ARSB: variants seen among roughly 807,000 people sequenced by gnomAD.
ARSB encodes the protein N-acetylgalactosamine-4-sulfatase.
ARSB carries 41 observed loss-of-function variants against 50.9 expected under a neutral mutation model. The observed-to-expected ratio is 0.81, with a 90% confidence interval of 0.63 to 1.04. ARSB has a LOEUF of 1.04. Ranked by LOEUF, ARSB falls within the 50% of genes least tolerant of loss-of-function variation. The pLI, the probability that ARSB is intolerant of heterozygous loss-of-function variation, is 0.00. For synonymous variants in ARSB, 269 were observed against 284.8 expected (o/e 0.94, Z 0.56); for missense variants, 672 against 693.3 (o/e 0.97, Z 0.35).
At chr5:78,859,258 C>G (rs755067876) in intron 5 of ARSB, among the ~76,000 whole-genome samples, 1 of 152,038 alleles carries the variant, frequency 6.6e-6, no homozygotes, top group Non-Finnish European at 1.5e-5. Context: ...GTTGAATTCA[C>G]TGGGTCTAGA....
chr5:78,957,520 C>G (rs337826), intron 3 of ARSB, among the ~76,000 whole-genome samples: 123,240 of 152,178 alleles, frequency 0.81, 50,124 homozygotes, highest in African/African-American at 0.84. Context: ...AAACTAAGGA[C>G]GCAGCTGATG....
At chr5:78,927,517 T>TACA (rs1455860772) in intron 4 of ARSB, among the ~76,000 whole-genome samples, 1 of 152,178 alleles carries the variant, frequency 6.6e-6, no homozygotes, top group Non-Finnish European at 1.5e-5. Flanking sequence ...AAAAACACTA[T>TACA]CTATAACACT....
At chr5:78,938,559 G>A (rs1196356561) in intron 4 of ARSB, among the ~76,000 whole-genome samples, 3 of 152,206 alleles carry the variant, frequency 2.0e-5, no homozygotes, top group African/African-American at 7.2e-5. Context: ...TCATTTAAGT[G>A]TCTGAAGAAC....
At chr5:78,937,866 C>T (rs942899549) in intron 4 of ARSB, among the ~76,000 whole-genome samples, 1 of 152,100 alleles carries the variant, frequency 6.6e-6, no homozygotes, top group Admixed American at 6.5e-5. Flanking sequence ...AAGATTATCA[C>T]CAGCAACATC....
chr5:78,870,461 C>A (rs1422775640), intron 5 of ARSB, among the ~76,000 whole-genome samples: 1 of 140,318 alleles, frequency 7.1e-6, no homozygotes, highest in Non-Finnish European at 1.6e-5. Flanking sequence ...AAAAGCTTAT[C>A]CACCATGATC....
intron 3 of ARSB, among the ~76,000 whole-genome samples, chr5:78,960,267 A>G (rs975297368): frequency 5.3e-5 from 8 of 152,226 alleles, no homozygotes; most frequent in African/African-American, 2.4e-5. Context: ...TTCCTAAGAT[A>G]TATACTGTAA....
At chr5:78,853,490 T>A (rs566356704) in intron 5 of ARSB, among the ~76,000 whole-genome samples, 2 of 152,140 alleles carry the variant, frequency 1.3e-5, no homozygotes, top group African/African-American at 4.8e-5. Flanking sequence ...CCCGGTTAGG[T>A]TGCTCGGGGT....
rs1473081409 is a variant in ARSB, at chr5:78,778,949, T to C, written c.*1448A>G. 1 of 152,120 alleles carries C rather than the reference T, an allele frequency of 6.6e-6. No individual in the cohort carries two copies. Among genetic ancestry groups the C allele is most frequent in the Non-Finnish European group, 1.5e-5 (1 of 68,026 alleles). 9.4% of individuals were successfully genotyped at this position (152,120 alleles called of 1,614,324 possible). A position where few individuals can be genotyped will look rare whatever the true frequency, so the allele number is the denominator to read the frequency against. ...GGGAGAATCACTTGAGCCCAGGAGT[T>C]TGAGGCTACGGTGAGTTGTGATTGT... is the stretch of plus-strand genomic sequence containing the variant. On this transcript the variant is annotated 3_prime_UTR_variant, in exon 8 of 8. Transcript: ENST00000264914.
intron 4 of ARSB, among the ~76,000 whole-genome samples, chr5:78,926,531 C>T (rs1750062176): frequency 6.6e-6 from 1 of 152,122 alleles, no homozygotes; most frequent in African/African-American, 2.4e-5. Context: ...AGGCAATACC[C>T]TTATTTCAAA....
In ARSB at chr5:78,782,006, A is replaced by G. The variant is rs7721866; in HGVS notation, c.1214-32T>C. 0.013 allele frequency: 21,587 copies of G among 1,613,670 alleles called. 2,166 individuals are homozygous for G. In the African/African-American group the frequency reaches 0.24, roughly 18 times the overall value. ...AGAAATAGTTTGAAAGAATTAGATCACTGTTATTGGAACGTGTTGTTATAA... is the reference window on the plus strand; with the variant it reads ...AGAAATAGTTTGAAAGAATTAGATCGCTGTTATTGGAACGTGTTGTTATAA... On this transcript the variant is annotated intron_variant, in intron 6 of 7. Coordinates refer to ENST00000264914, the MANE Select transcript of ARSB (RefSeq NM_000046.5).
At chr5:78,868,022 C>A (rs1746891498) in intron 5 of ARSB, among the ~76,000 whole-genome samples, 1 of 131,932 alleles carries the variant, frequency 7.6e-6, no homozygotes, top group Admixed American at 8.1e-5. Flanking sequence ...AATGCAGAAG[C>A]CTCAGGAGCC....
intron 4 of ARSB, among the ~76,000 whole-genome samples, chr5:78,892,814 G>A (rs929325392): frequency 3.9e-5 from 6 of 152,216 alleles, no homozygotes; most frequent in African/African-American, 1.4e-4. Flanking sequence ...ATTCAGGGCA[G>A]ATAAGTGCTC....
intron 6 of ARSB, among the ~76,000 whole-genome samples, chr5:78,792,326 C>G (rs1304540292): frequency 6.6e-6 from 1 of 151,514 alleles, no homozygotes; most frequent in Non-Finnish European, 1.5e-5. Context: ...TTGCAGCGAG[C>G]CGAGATCGCA....
chr5:78,938,321 C>T (rs1448924976), intron 4 of ARSB, among the ~76,000 whole-genome samples: 1 of 152,150 alleles, frequency 6.6e-6, no homozygotes, highest in African/African-American at 2.4e-5. Context: ...TTAAAGTGAT[C>T]CAACATGCTC....
Position 78,940,904 on chromosome 5 carries a change from T to A in ARSB, c.898+14391A>T, listed in dbSNP as rs1211469335. On this transcript the variant is annotated intron_variant, in intron 4 of 7. Coordinates refer to ENST00000264914, the MANE Select transcript of ARSB (RefSeq NM_000046.5). The stretch of plus-strand genomic sequence containing the variant: ...TGGCCATTTTCACAATATTGATTCT[T>A]CCTACCCATGAGCATGGAATGTTCT... Among the ~76,000 whole-genome samples the A allele has an allele frequency of 3.2e-3, 487 of 152,352 alleles. 1 individual carries two copies. Among genetic ancestry groups the A allele is most frequent in the African/African-American group, 0.011 (461 of 41,582 alleles).
intron 6 of ARSB, among the ~76,000 whole-genome samples, chr5:78,812,592 A>AAC (rs66597603): frequency 0.027 from 3,936 of 144,286 alleles, 106 homozygotes; most frequent in African/African-American, 0.074. Flanking sequence ...ATTCTGTTCA[A>AAC]ACACACACAC....
intron 5 of ARSB, among the ~76,000 whole-genome samples, chr5:78,860,311 A>G (rs948841591): frequency 1.3e-5 from 2 of 152,118 alleles, no homozygotes; most frequent in Non-Finnish European, 2.9e-5. Flanking sequence ...GTGCTCCTGT[A>G]TTGGGTGCAT....
At chr5:78,870,218 C>T (rs530049199) in intron 5 of ARSB, among the ~76,000 whole-genome samples, 4 of 145,278 alleles carry the variant, frequency 2.8e-5, no homozygotes, top group South Asian at 2.3e-4. Flanking sequence ...GATTCACAGC[C>T]GAATTCTACC....
intron 4 of ARSB, among the ~76,000 whole-genome samples, chr5:78,895,966 C>G (rs1227135348): frequency 6.6e-6 from 1 of 152,094 alleles, no homozygotes; most frequent in Non-Finnish European, 1.5e-5. Context: ...CGGAGGGATA[C>G]AAGAGTGGAA....
Sources: gnomAD v4.1 joint callset for allele counts (sites outside exome capture counted in the v4.1 genomes callset) on GRCh38, gnomAD v4.1.1 for gene constraint, MANE v1.5 for transcripts, NCBI Gene and HGNC (gene_info 2026-07-23, HGNC 2026-07-21) for gene names.